Variants in DGKB observed in about 807,000 individuals in gnomAD.
DGKB encodes the protein 90 kDa diacylglycerol kinase.
A neutral mutation model predicts 114.3 loss-of-function variants in DGKB; 67 were observed. The ratio of observed to expected loss-of-function variants is 0.59; its 90% CI spans 0.48 to 0.72. The LOEUF (loss-of-function observed/expected upper bound fraction) is 0.72, where lower values mean the gene tolerates loss of function less well. DGKB is among the 30% of genes least tolerant of loss of function. The pLI is 0.00. For missense variants in DGKB, 907 were observed against 975.2 expected, an observed-to-expected ratio of 0.93 and a Z score of 0.93; for synonymous variants, 398 against 323.1, an observed-to-expected ratio of 1.23 and a Z score of -2.49.
At chr7:14,274,260 C>G (rs1394260810) in intron 23 of DGKB, among the ~76,000 whole-genome samples, 1 of 152,176 alleles carries the variant, frequency 6.6e-6, no homozygotes. Flanking sequence ...AGGTGATACG[C>G]AGTGATAGTT....
intron 25 of DGKB, among the ~76,000 whole-genome samples, chr7:14,170,160 A>AGAAAGAAAGAAG (rs1780730016): frequency 1.1e-5 from 1 of 87,592 alleles, no homozygotes; most frequent in Non-Finnish European, 2.2e-5. Flanking sequence ...AAAGAAAGAA[A>AGAAAGAAAGAAG]GAAAGAAAGA....
At chr7:14,554,500 T>C (rs1323599245) in intron 20 of DGKB, among the ~76,000 whole-genome samples, 1 of 152,198 alleles carries the variant, frequency 6.6e-6, no homozygotes, top group Admixed American at 6.5e-5. Context: ...ACTTTTGTAC[T>C]CTTTTCCCTG....
chr7:14,257,886 T>C (rs38288), intron 23 of DGKB, among the ~76,000 whole-genome samples: 7,765 of 152,054 alleles, frequency 0.051, 310 homozygotes, highest in East Asian at 0.17. Flanking sequence ...ACCACCATGC[T>C]CGGCTAATTT....
intron 4 of DGKB, among the ~76,000 whole-genome samples, chr7:14,737,007 C>G (rs1194939436): frequency 6.6e-6 from 1 of 152,190 alleles, no homozygotes; most frequent in East Asian, 1.9e-4. Context: ...AGGACAAGCA[C>G]ATGGGTGCTT....
chr7:14,888,073 A>C (rs1780596580), intron 1 of DGKB, among the ~76,000 whole-genome samples: 1 of 151,796 alleles, frequency 6.6e-6, no homozygotes, highest in Non-Finnish European at 1.5e-5. Flanking sequence ...ATGACAAAGG[A>C]GGACAGAGTT....
At chr7:14,807,238 G>T (rs10241439) in intron 2 of DGKB, among the ~76,000 whole-genome samples, 13,215 of 151,792 alleles carry the variant, frequency 0.087, 739 homozygotes, top group East Asian at 0.24. Context: ...ATAATTGTCT[G>T]GTCTTTCCTC....
intron 1 of DGKB, among the ~76,000 whole-genome samples, chr7:14,930,518 T>G (rs1784960241): frequency 6.6e-6 from 1 of 152,208 alleles, no homozygotes; most frequent in Non-Finnish European, 1.5e-5. Flanking sequence ...CTAGGGTCAT[T>G]ATTATATAAA....
chr7:14,287,008 T>C (rs530431265), intron 23 of DGKB, among the ~76,000 whole-genome samples: 2 of 152,190 alleles, frequency 1.3e-5, no homozygotes, highest in South Asian at 4.1e-4. Context: ...CAAAACGTGT[T>C]ATTTTTGGTG....
intron 23 of DGKB, among the ~76,000 whole-genome samples, chr7:14,293,778 C>A (rs1276827233): frequency 6.6e-6 from 1 of 152,110 alleles, no homozygotes; most frequent in Non-Finnish European, 1.5e-5. Flanking sequence ...AGTTTGAAAC[C>A]CTCCAATGGC....
At chr7:14,278,595 G>T (rs1011539605) in intron 23 of DGKB, among the ~76,000 whole-genome samples, 1 of 152,088 alleles carries the variant, frequency 6.6e-6, no homozygotes, top group Non-Finnish European at 1.5e-5. Context: ...GATTTTTGGG[G>T]ATATGACCCC....
intron 23 of DGKB, among the ~76,000 whole-genome samples, chr7:14,208,531 C>T (rs1263191480): frequency 6.6e-6 from 1 of 151,934 alleles, no homozygotes; most frequent in Non-Finnish European, 1.5e-5. Context: ...CAATTTCTCC[C>T]TCTTTATACA....
At chr7:14,951,457 G>A (rs13242226) in intron 1 of DGKB, among the ~76,000 whole-genome samples, 2 of 151,938 alleles carry the variant, frequency 1.3e-5, no homozygotes, top group African/African-American at 4.8e-5. Flanking sequence ...AAAAGGCTAT[G>A]AAGACAGTAA....
At chr7:14,288,097 A>C (rs1801160212) in intron 23 of DGKB, among the ~76,000 whole-genome samples, 1 of 152,078 alleles carries the variant, frequency 6.6e-6, no homozygotes, top group African/African-American at 2.4e-5. Flanking sequence ...ACTAGAAGCA[A>C]TGGCAAGTAG....
At chr7:14,556,984 T>C (rs1795966329) in intron 20 of DGKB, among the ~76,000 whole-genome samples, 1 of 152,170 alleles carries the variant, frequency 6.6e-6, no homozygotes. Flanking sequence ...TTTCCCCCTT[T>C]GGCTAACTGA....
At chr7:14,766,336 G>T (rs1352150382) in intron 2 of DGKB, among the ~76,000 whole-genome samples, 1 of 151,924 alleles carries the variant, frequency 6.6e-6, no homozygotes, top group Admixed American at 6.6e-5. Context: ...TGGCATGGAG[G>T]TGTTAGTGGT....
intron 25 of DGKB, among the ~76,000 whole-genome samples, chr7:14,161,897 T>A (rs1353062629): frequency 1.1e-4 from 16 of 152,152 alleles, no homozygotes; most frequent in Admixed American, 6.6e-4. Flanking sequence ...TTCGAGGAAA[T>A]AAAAATAATA....
chr7:14,653,714 A>T (rs1051514042), intron 13 of DGKB, among the ~76,000 whole-genome samples: 4 of 152,098 alleles, frequency 2.6e-5, no homozygotes, highest in Non-Finnish European at 5.9e-5. Context: ...GGTTGCAAAG[A>T]TGGTTCATAT....
At chr7:14,591,603 C>T (rs1203826378) in intron 17 of DGKB, among the ~76,000 whole-genome samples, 1 of 152,022 alleles carries the variant, frequency 6.6e-6, no homozygotes, top group Non-Finnish European at 1.5e-5. Context: ...TTCAGTTATG[C>T]AAGATGAATA....
At chr7:14,826,136 A>G (rs1319880554) in intron 2 of DGKB, among the ~76,000 whole-genome samples, 1 of 152,090 alleles carries the variant, frequency 6.6e-6, no homozygotes, top group Admixed American at 6.6e-5. Flanking sequence ...TTAAGTGCCT[A>G]CTCAAACAAC....
Sources: allele counts gnomAD v4.1 joint callset (sites outside exome capture counted in the v4.1 genomes callset), GRCh38; gene constraint gnomAD v4.1.1; transcripts MANE v1.5; gene names NCBI Gene and HGNC (gene_info 2026-07-23, HGNC 2026-07-21).